Variants in PAG1 observed in about 807,000 individuals in gnomAD.
PAG1 encodes phosphoprotein membrane anchor with glycosphingolipid microdomains 1.
Under a neutral mutation model 31.7 loss-of-function variants are expected in PAG1, and 23 were observed. The observed-to-expected ratio is 0.73, with a 90% CI of 0.52 to 1.03. PAG1 has a LOEUF of 1.03. Ranked by LOEUF, PAG1 falls within the 50% of genes least tolerant of loss-of-function variation. The pLI is 0.00. For synonymous variants in PAG1, 214 were observed against 210.3 expected, an observed-to-expected ratio of 1.02 and a Z score of -0.15; for missense variants, 473 against 540.7, an observed-to-expected ratio of 0.87 and a Z score of 1.24.
At chr8:81,085,984 T>TG (rs1809347113) in intron 1 of PAG1, among the ~76,000 whole-genome samples, 1 of 124,372 alleles carries the variant, frequency 8.0e-6, no homozygotes, top group African/African-American at 3.4e-5. Context: ...TTTTTTTTTT[T>TG]TTTTTTTTTT....
chr8:81,044,553 G>T (rs1413713338), intron 2 of PAG1, among the ~76,000 whole-genome samples: 1 of 152,136 alleles, frequency 6.6e-6, no homozygotes, highest in Non-Finnish European at 1.5e-5. Flanking sequence ...TTGGACTTTT[G>T]GCATCCAGAA....
chr8:81,065,882 A>C (rs770489205), intron 2 of PAG1, among the ~76,000 whole-genome samples: 53 of 151,890 alleles, frequency 3.5e-4, no homozygotes, highest in Non-Finnish European at 6.0e-4. Flanking sequence ...ATATATCAAC[A>C]AAATGAGTAC....
intron 3 of PAG1, among the ~76,000 whole-genome samples, chr8:80,994,211 T>A (rs1358481530): frequency 1.3e-5 from 2 of 151,878 alleles, no homozygotes; most frequent in East Asian, 1.9e-4. Flanking sequence ...AAATAGAATG[T>A]CTTTATATTC....
chr8:81,048,732 G>C (rs1808680322), intron 2 of PAG1, among the ~76,000 whole-genome samples: 1 of 152,126 alleles, frequency 6.6e-6, no homozygotes, highest in African/African-American at 2.4e-5. Context: ...AACGACGCTA[G>C]CATCATTCGT....
intron 7 of PAG1, among the ~76,000 whole-genome samples, chr8:80,981,862 C>CCTTTTTTTTTTTTTTTTTTTTTT (rs1554598378): frequency 9.7e-6 from 1 of 103,426 alleles, no homozygotes. Flanking sequence ...ATCTCACTTC[C>CCTTTTTTTTTTTTTTTTTTTTTT]TTTTTTTTTT....
In PAG1 at chr8:81,059,343, T is replaced by C. The variant is rs187390705; in HGVS notation, c.-175+10769A>G. On this transcript the variant is annotated intron_variant, in intron 2 of 8. Transcript: ENST00000220597. ...AATCCATGGATGTGGAACCCAGAGA[T>C]ACAGAGGGCCAACTGTAAATGTTGT... 1.4e-3 allele frequency among the ~76,000 whole-genome samples: 213 copies of C among 152,064 alleles called. 1 individual carries two copies. The highest frequency in any genetic ancestry group is 5.0e-3 in the African/African-American group (207 of 41,500).
chr8:81,019,239 A>G (rs538358616), intron 3 of PAG1, among the ~76,000 whole-genome samples: 6 of 152,372 alleles, frequency 3.9e-5, no homozygotes, highest in Admixed American at 3.9e-4. Flanking sequence ...CAGCCTGATG[A>G]TGCAATTAAA....
At chr8:81,004,146 T>C (rs1807834456) in intron 3 of PAG1, among the ~76,000 whole-genome samples, 1 of 152,166 alleles carries the variant, frequency 6.6e-6, no homozygotes, top group Non-Finnish European at 1.5e-5. Flanking sequence ...AACACACAGA[T>C]GGTGCACGGA....
chr8:81,065,359 T>A (rs1808985876), intron 2 of PAG1, among the ~76,000 whole-genome samples: 2 of 152,158 alleles, frequency 1.3e-5, no homozygotes, highest in African/African-American at 4.8e-5. Flanking sequence ...AACTAGTTAC[T>A]TTCAAACGGA....
At chr8:81,042,193 C>G (rs990269264) in intron 2 of PAG1, among the ~76,000 whole-genome samples, 36 of 152,286 alleles carry the variant, frequency 2.4e-4, no homozygotes, top group African/African-American at 8.7e-4. Flanking sequence ...GCCATGCAGG[C>G]ATCAGAGTGT....
intron 1 of PAG1, among the ~76,000 whole-genome samples, chr8:81,072,231 C>T (rs1418784504): frequency 6.6e-6 from 1 of 152,188 alleles, no homozygotes; most frequent in African/African-American, 2.4e-5. Flanking sequence ...AGGTGGGTCC[C>T]CCAACTTGTT....
intron 5 of PAG1, 37 bp downstream of exon 5, chr8:80,991,442 G>T (rs112825771): frequency 1.3e-6 from 2 of 1,539,236 alleles, no homozygotes; most frequent in Admixed American, 1.7e-5. Context: ...TCTGGAGCAC[G>T]CACGGACAGA....
At chr8:81,045,011 C>T (rs961644776) in intron 2 of PAG1, among the ~76,000 whole-genome samples, 1 of 152,144 alleles carries the variant, frequency 6.6e-6, no homozygotes, top group East Asian at 1.9e-4. Flanking sequence ...CTTGTTTATG[C>T]ATACCTATCA....
At chr8:81,065,299 T>C (rs1808984783) in intron 2 of PAG1, among the ~76,000 whole-genome samples, 1 of 152,150 alleles carries the variant, frequency 6.6e-6, no homozygotes, top group Non-Finnish European at 1.5e-5. Flanking sequence ...TTCTGCATTC[T>C]TTTTTTTCTC....
intron 2 of PAG1, among the ~76,000 whole-genome samples, chr8:81,066,330 C>G (rs1809006716): frequency 6.6e-6 from 1 of 152,182 alleles, no homozygotes; most frequent in Admixed American, 6.5e-5. Context: ...CGCAAATGCA[C>G]TTTTTCAGGC....
intron 1 of PAG1, among the ~76,000 whole-genome samples, 168 bp downstream of exon 1, chr8:81,111,423 G>T (rs1292061588): frequency 6.6e-6 from 1 of 152,114 alleles, no homozygotes; most frequent in Non-Finnish European, 1.5e-5. Context: ...GCCAGCCCTG[G>T]ACTCCAGACC....
At chr8:80,992,668 G>T (rs899503366) in intron 4 of PAG1, among the ~76,000 whole-genome samples, 1 of 152,090 alleles carries the variant, frequency 6.6e-6, no homozygotes, top group African/African-American at 2.4e-5. Context: ...GAAACTGAAG[G>T]TCTACACTAC....
intron 2 of PAG1, among the ~76,000 whole-genome samples, chr8:81,046,263 T>C (rs1808639770): frequency 6.6e-6 from 1 of 152,200 alleles, no homozygotes; most frequent in Non-Finnish European, 1.5e-5. Flanking sequence ...AATGCATCTC[T>C]AATGCTTTGC....
At chr8:81,100,911 T>C (rs912640556) in intron 1 of PAG1, among the ~76,000 whole-genome samples, 2 of 152,192 alleles carry the variant, frequency 1.3e-5, no homozygotes, top group African/African-American at 4.8e-5. Context: ...CCTGTGGCTA[T>C]AAAACAGGCT....
Sources: allele counts gnomAD v4.1 joint callset (sites outside exome capture counted in the v4.1 genomes callset), GRCh38; gene constraint gnomAD v4.1.1; transcripts MANE v1.5; gene names NCBI Gene and HGNC (gene_info 2026-07-23, HGNC 2026-07-21).